Variants in INHBC observed in about 807,000 individuals in gnomAD.
INHBC encodes inhibin subunit beta C.
Under a neutral mutation model 12.4 loss-of-function variants are expected in INHBC, and 10 were observed. The ratio of observed to expected loss-of-function variants is 0.81; its 90% CI spans 0.50 to 1.37. The LOEUF (loss-of-function observed/expected upper bound fraction) is 1.37. Ranked by LOEUF, INHBC falls within the 40% of genes most tolerant of loss-of-function variation. The pLI, the probability that INHBC is intolerant of heterozygous loss-of-function variation, is 0.00. For missense variants in INHBC, 382 were observed against 439.4 expected (o/e 0.87, Z 1.17); for synonymous variants, 147 against 171.6 (o/e 0.86, Z 1.12).
intron 1 of INHBC, among the ~76,000 whole-genome samples, chr12:57,436,822 A>G (rs2139829646): frequency 6.6e-6 from 1 of 151,728 alleles, no homozygotes; most frequent in East Asian, 2.0e-4. Context: ...GCCTACCACC[A>G]TGCCTGGCTA....
chr12:57,440,414 C>G (rs948403749), intron 1 of INHBC, among the ~76,000 whole-genome samples: 4 of 144,458 alleles, frequency 2.8e-5, no homozygotes, highest in African/African-American at 5.1e-5. Context: ...CTCACTGCAA[C>G]CTCTGCCTCC....
chr12:57,436,737 G>T (rs1286693006), intron 1 of INHBC, among the ~76,000 whole-genome samples: 1 of 151,434 alleles, frequency 6.6e-6, no homozygotes, highest in Non-Finnish European at 1.5e-5. Context: ...CGCGATCTTG[G>T]CTCACTGCAA....
In INHBC at chr12:57,449,572, C is replaced by T; in HGVS notation, c.609C>T (p.Gly203=). Residue 203 remains glycine, a synonymous_variant, in exon 2 of 2, where the codon GGC becomes GGT. Transcript: ENST00000309668. The part of the protein sequence containing the change: ...GHLTLELVLE[G]QVAQSSVILG... Reference sequence around the variant, plus strand: ...TGACCCTGGAGCTGGTACTTGAAGGCCAGGTAGCCCAGAGCTCAGTCATCC... The same window carrying T: ...TGACCCTGGAGCTGGTACTTGAAGGTCAGGTAGCCCAGAGCTCAGTCATCC... 6.2e-7 allele frequency: 1 copy of T among 1,614,236 alleles called. No individual in the cohort carries two copies.
intron 1 of INHBC, among the ~76,000 whole-genome samples, chr12:57,446,557 G>A (rs1052364192): frequency 9.9e-5 from 15 of 151,590 alleles, no homozygotes; most frequent in African/African-American, 2.7e-4. Context: ...GCAGTGGTGC[G>A]TTGATGTCTC....
chr12:57,440,660 C>G (rs369595179), intron 1 of INHBC, among the ~76,000 whole-genome samples: 3 of 151,990 alleles, frequency 2.0e-5, no homozygotes, highest in African/African-American at 7.3e-5. Context: ...ATCTCTCTCC[C>G]GAAATGCCTT....
At position 57,445,709 on chromosome 12, in the gene INHBC, T is replaced by A. The variant is rs568998694; in HGVS notation, c.314-3568T>A. Among the ~76,000 whole-genome samples, 3 of 127,724 alleles carry A rather than the reference T, an allele frequency of 2.3e-5. No homozygotes were observed. The East Asian group carries it at 9.0e-4, about 38-fold the overall frequency. 83.8% of individuals were successfully genotyped at this position (127,724 alleles called of 152,430 possible). A position where few individuals can be genotyped will look rare whatever the true frequency, so the allele number is the denominator to read the frequency against. On this transcript the variant is annotated intron_variant, in intron 1 of 1. Coordinates refer to ENST00000309668, the MANE Select transcript of INHBC (RefSeq NM_005538.4). The stretch of plus-strand genomic sequence containing the variant: ...TTCAAGACCAGTCTGGGTAACATAG[T>A]GAGACCCCCCGCCCATCTCCATGTA...
Position 57,435,155 on chromosome 12 carries a change from A to G in INHBC, c.269A>G (p.Asp90Gly). The G allele has an allele frequency of 1.9e-6, 3 of 1,614,074 alleles. No individual in the cohort carries two copies. Among genetic ancestry groups the G allele is most frequent in the Non-Finnish European group, 2.5e-6 (3 of 1,179,962 alleles). Residue 90 changes from aspartate to glycine, a missense_variant, in exon 1 of 2, where the codon GAC (aspartate) becomes GGC (glycine). Coordinates refer to ENST00000309668, the MANE Select transcript of INHBC (RefSeq NM_005538.4). ...HGVPQGALLE[D>G]NREQECEIIS... ...GTCCCACAGGGGGCACTTCTAGAGG[A>G]CAACAGGGAACAGGAATGTGAAATC...
intron 1 of INHBC, among the ~76,000 whole-genome samples, chr12:57,448,443 C>T (rs532044093): frequency 9.2e-5 from 14 of 151,986 alleles, no homozygotes; most frequent in Middle Eastern, 3.4e-3. Context: ...GTGGCAGGCA[C>T]CTGTAATCCC....
At chr12:57,443,605 A>T (rs1375447816) in intron 1 of INHBC, among the ~76,000 whole-genome samples, 1 of 149,814 alleles carries the variant, frequency 6.7e-6, no homozygotes, top group Non-Finnish European at 1.5e-5. Flanking sequence ...TTTTCACTTA[A>T]AAAAAAAAAT....
chr12:57,442,298 A>T (rs1025403651), intron 1 of INHBC, among the ~76,000 whole-genome samples: 1 of 152,232 alleles, frequency 6.6e-6, no homozygotes, highest in African/African-American at 2.4e-5. Flanking sequence ...TAATATGGAA[A>T]GGGACAGCAC....
At chr12:57,441,798 C>T (rs1870471912) in intron 1 of INHBC, among the ~76,000 whole-genome samples, 1 of 151,888 alleles carries the variant, frequency 6.6e-6, no homozygotes, top group Admixed American at 6.6e-5. Flanking sequence ...TCTCTTCCCT[C>T]AGCCTCCTGA....
Position 57,450,097 on chromosome 12 carries a change from G to A in INHBC, c.*75G>A. The A allele has an allele frequency of 7.1e-7, 1 of 1,405,002 alleles. No homozygotes were observed. Among genetic ancestry groups the A allele is most frequent in the East Asian group, 2.4e-5 (1 of 41,134 alleles). 87.0% of individuals were successfully genotyped at this position (1,405,002 alleles called of 1,614,324 possible). On this transcript the variant is annotated 3_prime_UTR_variant, in exon 2 of 2. Coordinates refer to ENST00000309668, the MANE Select transcript of INHBC (RefSeq NM_005538.4). ...ACAGAAGTGCACTTCCTTGAGAGGA[G>A]GGAATGACCTCATTCTCTGTCCAGA...
At position 57,450,166 on chromosome 12, in the gene INHBC, C is replaced by G. The variant is rs140444446; in HGVS notation, c.*144C>G. On this transcript the variant is annotated 3_prime_UTR_variant, in exon 2 of 2. Coordinates refer to ENST00000309668, the MANE Select transcript of INHBC (RefSeq NM_005538.4). ...TGAGCATCTTATGGAAATTACCCCA[C>G]CTTTGACTTGAAGAAACCTTCATCT... 1.4e-4 allele frequency: 125 copies of G among 878,520 alleles called. No homozygotes were observed. In the African/African-American group the frequency reaches 2.1e-3, roughly 14 times the overall value. The allele number at this position is 878,520 out of a possible 1,614,324, so 54.4% of individuals were successfully genotyped here.
At chr12:57,449,156 A>G (rs908176902) in intron 1 of INHBC, 121 bp from the exon 2 acceptor site, 58 of 1,238,456 alleles carry the variant, frequency 4.7e-5, no homozygotes, top group Non-Finnish European at 6.0e-5. Context: ...TTTGGAGGAC[A>G]TGTTTAAACT....
intron 1 of INHBC, 116 bp from the exon 2 acceptor site, chr12:57,449,161 T>G: frequency 7.5e-7 from 1 of 1,328,678 alleles, no homozygotes; most frequent in Non-Finnish European, 1.0e-6. Context: ...AGGACATGTT[T>G]AAACTGTAGC....
rs2139837555 is a variant in INHBC at position 57,451,710 on chromosome 12, A to G, written c.*1688A>G. On this transcript the variant is annotated 3_prime_UTR_variant, in exon 2 of 2. Transcript: ENST00000309668. ...AAGTCTGAAAAGGACTGCCTGGGGGACTGTAAATCTGAGCTTGAGGGCTTC... is the reference window on the plus strand; with the variant it reads ...AAGTCTGAAAAGGACTGCCTGGGGGGCTGTAAATCTGAGCTTGAGGGCTTC... 2.7e-6 allele frequency: 1 copy of G among 375,832 alleles called. No individual in the cohort carries two copies. The highest frequency in any genetic ancestry group is 3.4e-5 in the Admixed American group (1 of 29,526). 23.3% of individuals were successfully genotyped at this position (375,832 alleles called of 1,614,324 possible). A position where few individuals can be genotyped will look rare whatever the true frequency, so the allele number is the denominator to read the frequency against.
chr12:57,439,955 C>G (rs1352916224), intron 1 of INHBC, among the ~76,000 whole-genome samples: 2 of 152,216 alleles, frequency 1.3e-5, no homozygotes, highest in Non-Finnish European at 2.9e-5. Flanking sequence ...AAGGGATCCT[C>G]CTGCTTCAGC....
At chr12:57,441,133 C>T (rs1384212217) in intron 1 of INHBC, among the ~76,000 whole-genome samples, 1 of 151,910 alleles carries the variant, frequency 6.6e-6, no homozygotes, top group Non-Finnish European at 1.5e-5. Flanking sequence ...ACGGGTGGAT[C>T]ACCTGAGGTC....
intron 1 of INHBC, among the ~76,000 whole-genome samples, chr12:57,444,097 T>C (rs565929548): frequency 6.6e-6 from 1 of 152,322 alleles, no homozygotes; most frequent in South Asian, 2.1e-4. Flanking sequence ...ACACCTGGTC[T>C]CAACAAGTGT....
Sources: gnomAD v4.1 joint callset for allele counts (sites outside exome capture counted in the v4.1 genomes callset) on GRCh38, gnomAD v4.1.1 for gene constraint, MANE v1.5 for transcripts, NCBI Gene and HGNC (gene_info 2026-07-23, HGNC 2026-07-21) for gene names.